The following IFNAR2 variants were observed in gnomAD, a reference collection of about 807,000 sequenced individuals.
IFNAR2 encodes the protein interferon alpha and beta receptor subunit 2.
In IFNAR2, 30 loss-of-function variants were observed where a neutral mutation model predicts 49.4. The ratio of observed to expected loss-of-function variants is 0.61; its 90% CI spans 0.45 to 0.82. The LOEUF (loss-of-function observed/expected upper bound fraction) is 0.82, where lower values mean the gene tolerates loss of function less well. Among genes scored for constraint, IFNAR2 ranks in the 40% least tolerant of loss-of-function variants. The pLI, the probability that IFNAR2 is intolerant of heterozygous loss-of-function variation, is 0.00. For synonymous variants in IFNAR2, 224 were observed against 234.5 expected (o/e 0.96, Z 0.41); for missense variants, 600 against 622.7 (o/e 0.96, Z 0.39).
intron 1 of IFNAR2, among the ~76,000 whole-genome samples, chr21:33,236,411 G>A (rs373508319): frequency 6.6e-6 from 1 of 152,160 alleles, no homozygotes; most frequent in Non-Finnish European, 1.5e-5. Flanking sequence ...ACAGTGTAGT[G>A]GCCACGTCCA....
intron 7 of IFNAR2, among the ~76,000 whole-genome samples, chr21:33,257,960 A>G (rs1466707692): frequency 1.3e-5 from 2 of 152,158 alleles, no homozygotes; most frequent in Admixed American, 1.3e-4. Flanking sequence ...CTAATCCCAG[A>G]TATGTGAACA....
rs551021599 is a variant in IFNAR2 at position 33,238,623 on chromosome 21, C to A, written c.-83-3217C>A. Among the ~76,000 whole-genome samples the A allele has an allele frequency of 3.3e-5, 5 of 152,138 alleles. No homozygotes were observed. The East Asian group carries it at 9.7e-4, about 29-fold the overall frequency. ...AATTTAGAAGCTAAGAAAGAAAATACCTTTAAATCTGAAAACATAAAACTC... is the reference window on the plus strand; with the variant it reads ...AATTTAGAAGCTAAGAAAGAAAATAACTTTAAATCTGAAAACATAAAACTC... On this transcript the variant is annotated intron_variant, in intron 1 of 8. Coordinates refer to ENST00000342136, the MANE Select transcript of IFNAR2 (RefSeq NM_001289125.3).
At chr21:33,244,836 C>T in intron 3 of IFNAR2, 115 bp from the exon 4 acceptor site, 1 of 944,958 alleles carries the variant, frequency 1.1e-6, no homozygotes, top group East Asian at 2.4e-5. Context: ...CCAGGGCTCT[C>T]TGGAGAGGTT....
In IFNAR2 at chr21:33,230,085, C is replaced by T. The variant is rs1429095205; in HGVS notation, c.-215C>T. 1.6e-5 allele frequency: 16 copies of T among 988,242 alleles called. No individual in the cohort carries two copies. The highest frequency in any genetic ancestry group is 1.9e-5 in the Non-Finnish European group (16 of 831,262). The allele number at this position is 988,242 out of a possible 1,614,324, so 61.2% of individuals were successfully genotyped here. On this transcript the variant is annotated 5_prime_UTR_variant, in exon 1 of 9. Transcript: ENST00000342136. This position sits in a 1 kb window ranked among gnomAD's most constrained non-coding sequence, Gnocchi z 5.5. ...CCGGCCGCACGGGCCGCTTTTGTCCCCCGCCCGCCGCTTCTGTCCGAGAGG... is the reference window on the plus strand; with the variant it reads ...CCGGCCGCACGGGCCGCTTTTGTCCTCCGCCCGCCGCTTCTGTCCGAGAGG...
chr21:33,234,224 T>TGTGTGTGTGTG (rs1986278711), intron 1 of IFNAR2, among the ~76,000 whole-genome samples: 1 of 151,414 alleles, frequency 6.6e-6, no homozygotes, highest in African/African-American at 2.4e-5. Flanking sequence ...TGTGTGTGTG[T>TGTGTGTGTGTG]TTATGCATAG....
At chr21:33,242,529 G>A (rs9976829) in intron 2 of IFNAR2, among the ~76,000 whole-genome samples, 102,375 of 151,094 alleles carry the variant, frequency 0.68, 35,193 homozygotes, top group African/African-American at 0.78. Context: ...TCAGGAGATC[G>A]AGACCATCCT....
chr21:33,233,491 T>G (rs1986211321), intron 1 of IFNAR2, among the ~76,000 whole-genome samples: 1 of 152,160 alleles, frequency 6.6e-6, no homozygotes, highest in African/African-American at 2.4e-5. Context: ...CTACGATATC[T>G]TAAACTATTT....
intron 1 of IFNAR2, chr21:33,234,725 G>A: frequency 1.0e-6 from 1 of 984,938 alleles, no homozygotes; most frequent in Non-Finnish European, 1.2e-6. Context: ...AATGGAGAAG[G>A]CCACAGTGTC....
intron 5 of IFNAR2, among the ~76,000 whole-genome samples, chr21:33,247,117 C>T (rs577952546): frequency 7.2e-5 from 11 of 152,266 alleles, no homozygotes; most frequent in South Asian, 4.1e-4. Context: ...AGATTTGCCC[C>T]GTGCCTGTAT....
intron 3 of IFNAR2, 93 bp from the exon 4 acceptor site, chr21:33,244,858 G>C (rs1229741161): frequency 4.1e-6 from 5 of 1,230,708 alleles, no homozygotes; most frequent in Non-Finnish European, 5.9e-6. Context: ...TCTGCCAGAG[G>C]TGTGGGTTCT....
intron 1 of IFNAR2, among the ~76,000 whole-genome samples, chr21:33,232,343 T>G (rs1986123379): frequency 6.6e-6 from 1 of 151,598 alleles, no homozygotes; most frequent in Admixed American, 6.6e-5. Flanking sequence ...GCAGAGGAGG[T>G]TGGCTGACTT....
chr21:33,263,542 A>C lies in IFNAR2; in HGVS notation c.*42A>C. ...TGAACTTGGACAGACAAGCACCTAC[A>C]GGGTTCTTTGTCTCTGCATCCTAAC... On this transcript the variant is annotated 3_prime_UTR_variant, in exon 9 of 9. Coordinates refer to ENST00000342136, the MANE Select transcript of IFNAR2 (RefSeq NM_001289125.3). 1 of 1,541,326 alleles carries C rather than the reference A, an allele frequency of 6.5e-7. No homozygotes were observed. Among genetic ancestry groups the C allele is most frequent in the Non-Finnish European group, 8.7e-7 (1 of 1,147,274 alleles).
At chr21:33,261,123 G>A (rs993013077) in intron 8 of IFNAR2, among the ~76,000 whole-genome samples, 4 of 135,120 alleles carry the variant, frequency 3.0e-5, no homozygotes, top group Non-Finnish European at 4.5e-5. Flanking sequence ...TGTAACCTCT[G>A]CCTCCTAGGC....
chr21:33,252,108 CTATCTATCTA>C (rs960569950), intron 6 of IFNAR2: 1 of 462,422 alleles, frequency 2.2e-6, no homozygotes, highest in Non-Finnish European at 4.5e-6. Flanking sequence ...ATCTATCTAT[CTATCTATCTA>C]TATCTGTCTA....
chr21:33,257,236 G>T (rs1366014199), intron 7 of IFNAR2, among the ~76,000 whole-genome samples: 3 of 152,226 alleles, frequency 2.0e-5, no homozygotes, highest in African/African-American at 7.2e-5. Flanking sequence ...GTCCGGAGTT[G>T]GTTCCTGCCA....
chr21:33,237,295 G>A (rs1322489758), intron 1 of IFNAR2, among the ~76,000 whole-genome samples: 3 of 152,016 alleles, frequency 2.0e-5, no homozygotes, highest in Non-Finnish European at 4.4e-5. Context: ...CCTTTGTGGG[G>A]CTGAGGCCGG....
At chr21:33,237,674 A>G (rs535907328) in intron 1 of IFNAR2, among the ~76,000 whole-genome samples, 6 of 152,284 alleles carry the variant, frequency 3.9e-5, no homozygotes, top group South Asian at 2.1e-4. Context: ...ATGTTTCTCA[A>G]TGGGTACAGT....
chr21:33,255,618 C>T (rs1988158606), intron 7 of IFNAR2, among the ~76,000 whole-genome samples: 1 of 152,118 alleles, frequency 6.6e-6, no homozygotes, highest in Non-Finnish European at 1.5e-5. Context: ...CCTCTCTGTA[C>T]ATTCATCTGT....
intron 4 of IFNAR2, among the ~76,000 whole-genome samples, chr21:33,246,272 A>G (rs374213346): frequency 6.2e-4 from 94 of 151,940 alleles, no homozygotes; most frequent in Admixed American, 4.5e-3. Flanking sequence ...GGGTTTCACC[A>G]TGTTAGCCAG....
Sources: allele counts gnomAD v4.1 joint callset (sites outside exome capture counted in the v4.1 genomes callset), GRCh38; gene constraint gnomAD v4.1.1; non-coding constraint Gnocchi (gnomAD v3.1); transcripts MANE v1.5; gene names NCBI Gene and HGNC (gene_info 2026-07-23, HGNC 2026-07-21).